Variants in PKHD1 observed in about 807,000 individuals in gnomAD.
PKHD1 encodes fibrocystin.
In PKHD1, 291 loss-of-function variants were observed where a neutral mutation model predicts 412.0. That is an observed-to-expected ratio of 0.71 (90% CI 0.64 to 0.78). The LOEUF (loss-of-function observed/expected upper bound fraction) is 0.78, where lower values mean the gene tolerates loss of function less well. Ranked by LOEUF, PKHD1 falls within the 30% of genes least tolerant of loss-of-function variation. PKHD1 has a pLI of 0.00. For synonymous variants in PKHD1, 1,777 were observed against 1,821.5 expected (o/e 0.98, Z 0.62); for missense variants, 4,825 against 4,950.7 (o/e 0.97, Z 0.76).
At position 52,009,158 on chromosome 6, in the gene PKHD1, T is replaced by G. The variant is rs1581720314; in HGVS notation, c.5751+1151A>C. Among the ~76,000 whole-genome samples the G allele has an allele frequency of 2.6e-5, 4 of 152,172 alleles. 1 individual carries two copies. Among genetic ancestry groups the G allele is most frequent in the Admixed American group, 2.6e-4 (4 of 15,286 alleles). Reference sequence around the variant, plus strand: ...GGTAGTAAATTGAAAGGAAGAGGTGTTTGTGGGGGACACGATGAAGCGAGA... The same window carrying G: ...GGTAGTAAATTGAAAGGAAGAGGTGGTTGTGGGGGACACGATGAAGCGAGA... On this transcript the variant is annotated intron_variant, in intron 35 of 66. Coordinates refer to ENST00000371117, the MANE Select transcript of PKHD1 (RefSeq NM_138694.4).
intron 60 of PKHD1, among the ~76,000 whole-genome samples, chr6:51,713,127 G>A (rs1322554106): frequency 6.6e-6 from 1 of 152,026 alleles, no homozygotes; most frequent in African/African-American, 2.4e-5. Context: ...TCATATTATT[G>A]TAATCAGTTT....
chr6:51,783,938 TG>T (rs570418493), intron 53 of PKHD1, among the ~76,000 whole-genome samples: 128 of 152,222 alleles, frequency 8.4e-4, no homozygotes, highest in African/African-American at 3.0e-3. Flanking sequence ...GACATTTAAG[TG>T]TAAGGAGATT....
intron 35 of PKHD1, among the ~76,000 whole-genome samples, chr6:52,004,500 C>G (rs1339181815): frequency 6.6e-6 from 1 of 151,992 alleles, no homozygotes; most frequent in East Asian, 1.9e-4. Flanking sequence ...TAGTTGATTG[C>G]ATATTTTGCT....
chr6:51,917,192 G>C (rs555743203), intron 37 of PKHD1, among the ~76,000 whole-genome samples: 1 of 129,440 alleles, frequency 7.7e-6, no homozygotes, highest in Non-Finnish European at 1.7e-5. Context: ...GGAGAGGTGG[G>C]GGGGAGAGAG....
At position 51,950,220 on chromosome 6, in the gene PKHD1, A is replaced by AAATATATATATATATAT; in HGVS notation, c.5908+9649_5908+9650insATATATATATATATATT. ...AATGGGCAATATAGAGAAAAAAAAA[A>AAATATATATATATATAT]ATATATATATATATATATATGAAAT... On this transcript the variant is annotated intron_variant, in intron 36 of 66. Coordinates refer to ENST00000371117, the MANE Select transcript of PKHD1 (RefSeq NM_138694.4). 3.7e-3 allele frequency among the ~76,000 whole-genome samples: 363 copies of AAATATATATATATATAT among 98,232 alleles called. 4 individuals carry two copies. The highest frequency in any genetic ancestry group is 4.2e-3 in the Non-Finnish European group (215 of 51,166). 64.4% of individuals were successfully genotyped at this position (98,232 alleles called of 152,430 possible). A position where few individuals can be genotyped will look rare whatever the true frequency, so the allele number is the denominator to read the frequency against.
intron 43 of PKHD1, among the ~76,000 whole-genome samples, chr6:51,891,987 G>A (rs928468700): frequency 3.3e-5 from 5 of 152,024 alleles, no homozygotes; most frequent in Admixed American, 2.6e-4. Context: ...CAATTGCCCC[G>A]GGCTGTTTAT....
At chr6:51,708,359 T>G (rs752614027) in intron 60 of PKHD1, among the ~76,000 whole-genome samples, 1 of 152,228 alleles carries the variant, frequency 6.6e-6, no homozygotes, top group East Asian at 1.9e-4. Flanking sequence ...ATCTCCTATG[T>G]CATTATTCTG....
intron 35 of PKHD1, among the ~76,000 whole-genome samples, chr6:51,986,863 T>C (rs1222736689): frequency 6.6e-6 from 1 of 152,202 alleles, no homozygotes; most frequent in Non-Finnish European, 1.5e-5. Flanking sequence ...ATGGCCTTTA[T>C]CCAACAAATA....
chr6:52,032,997 A>G, intron 29 of PKHD1, 33 bp downstream of exon 29: 1 of 1,586,522 alleles, frequency 6.3e-7, no homozygotes, highest in Non-Finnish European at 8.7e-7. Flanking sequence ...ATGCTCTAAG[A>G]AGAAAAAGAT....
chr6:51,792,402 A>G (rs922813523), intron 52 of PKHD1, among the ~76,000 whole-genome samples: 10 of 152,244 alleles, frequency 6.6e-5, no homozygotes, highest in Admixed American at 4.6e-4. Context: ...GAAACAATGC[A>G]CTTGCTCTTC....
At chr6:51,907,254 T>A (rs1782248340) in intron 40 of PKHD1, among the ~76,000 whole-genome samples, 1 of 152,188 alleles carries the variant, frequency 6.6e-6, no homozygotes, top group Non-Finnish European at 1.5e-5. Context: ...TTAGAAAAGT[T>A]ACTTTAGTTT....
At chr6:51,657,209 AGTTCAAT>A (rs1772017651) in intron 61 of PKHD1, among the ~76,000 whole-genome samples, 1 of 151,948 alleles carries the variant, frequency 6.6e-6, no homozygotes, top group Admixed American at 6.6e-5. Context: ...CTCTCCAGTG[AGTTCAAT>A]GGAAGACCCA....
At chr6:51,796,971 A>G (rs1794717518) in intron 52 of PKHD1, among the ~76,000 whole-genome samples, 1 of 151,746 alleles carries the variant, frequency 6.6e-6, no homozygotes, top group East Asian at 1.9e-4. Flanking sequence ...CTTCCACCAT[A>G]CCTGGCTAAT....
intron 36 of PKHD1, among the ~76,000 whole-genome samples, chr6:51,936,376 T>C (rs1023865555): frequency 5.3e-5 from 8 of 152,178 alleles, no homozygotes; most frequent in African/African-American, 1.9e-4. Context: ...AAAAGGCAGA[T>C]TCTACTATAA....
chr6:52,035,891 T>C lies in PKHD1; in HGVS notation c.3098-170A>G, dbSNP rs534240679. On this transcript the variant is annotated intron_variant, in intron 27 of 66. Transcript: ENST00000371117. Reference sequence around the variant, plus strand: ...CTGGAGTTAAATATATAAACTATCATATAGAAAGGGAGAAGTAGTGACAGG... The same window carrying C: ...CTGGAGTTAAATATATAAACTATCACATAGAAAGGGAGAAGTAGTGACAGG... 5.9e-5 allele frequency among the ~76,000 whole-genome samples: 9 copies of C among 152,180 alleles called. No individual in the cohort carries two copies. In the South Asian group the frequency reaches 1.2e-3, roughly 21 times the overall value.
chr6:51,813,083 T>TA (rs1235203687), intron 52 of PKHD1, among the ~76,000 whole-genome samples: 56 of 152,102 alleles, frequency 3.7e-4, no homozygotes, highest in Middle Eastern at 3.4e-3. Flanking sequence ...CCCTAAAACA[T>TA]AAAAAAACAA....
At chr6:52,017,316 G>T in intron 34 of PKHD1, 94 bp downstream of exon 34, 1 of 929,448 alleles carries the variant, frequency 1.1e-6, no homozygotes, top group Non-Finnish European at 1.8e-6. Context: ...CGGCTGCCAG[G>T]CCACATCCAC....
chr6:51,624,902 C>T (rs1329255295), intron 66 of PKHD1, among the ~76,000 whole-genome samples: 4 of 152,174 alleles, frequency 2.6e-5, no homozygotes, highest in African/African-American at 9.7e-5. Flanking sequence ...TCTTAACTGT[C>T]ACACTCTCCT....
chr6:51,741,039 G>C (rs1295235920), intron 60 of PKHD1: 1 of 513,292 alleles, frequency 1.9e-6, no homozygotes, highest in Non-Finnish European at 3.9e-6. Context: ...AGTAAATCGT[G>C]TGTAATATGA....
Sources: gnomAD v4.1 joint callset for allele counts (sites outside exome capture counted in the v4.1 genomes callset) on GRCh38, gnomAD v4.1.1 for gene constraint, MANE v1.5 for transcripts, NCBI Gene and HGNC (gene_info 2026-07-23, HGNC 2026-07-21) for gene names.